The following ATM variants were observed in gnomAD, a reference collection of about 807,000 sequenced individuals.
ATM encodes the protein serine-protein kinase ATM.
A neutral mutation model predicts 387.0 loss-of-function variants in ATM; 308 were observed. That is an observed-to-expected ratio of 0.80 (90% confidence interval 0.73 to 0.87). The LOEUF (loss-of-function observed/expected upper bound fraction) is 0.87. Among genes scored for constraint, ATM ranks in the 40% least tolerant of loss-of-function variants. The pLI, the probability that ATM is intolerant of heterozygous loss-of-function variation, is 0.00. For synonymous variants in ATM, 1,156 were observed against 1,187.3 expected (o/e 0.97, Z 0.54); for missense variants, 3,312 against 3,560.9 (o/e 0.93, Z 1.78).
chr11:108,248,888 CAAA>C (rs35813860), intron 8 of ATM, 42 bp from the exon 9 acceptor site: 710 of 1,235,070 alleles, frequency 5.7e-4, no homozygotes, highest in Admixed American at 9.6e-4. Flanking sequence ...AACTCTGGCT[CAAA>C]AAAAAAAAAA....
chr11:108,351,588 T>C (rs1431203326), intron 59 of ATM, among the ~76,000 whole-genome samples: 2 of 152,176 alleles, frequency 1.3e-5, no homozygotes. Context: ...TGATTGCTTC[T>C]TCACTTACAT....
intron 59 of ATM, among the ~76,000 whole-genome samples, chr11:108,349,410 A>G (rs960733848): frequency 2.6e-5 from 4 of 152,164 alleles, no homozygotes; most frequent in African/African-American, 7.2e-5. Flanking sequence ...CACACCTGTA[A>G]TCCCAACACT....
At chr11:108,308,863 T>A in intron 38 of ATM, 1 of 648,426 alleles carries the variant, frequency 1.5e-6, no homozygotes. Flanking sequence ...TAGAGTTTTA[T>A]ACCAGATTAT....
In ATM at chr11:108,252,732, A is replaced by G. The variant is rs2235005; in HGVS notation, c.1803-85A>G. 4.6e-4 allele frequency: 429 copies of G among 936,974 alleles called. 1 individual carries two copies. In the African/African-American group the frequency reaches 6.4e-3, roughly 14 times the overall value. The allele number at this position is 936,974 out of a possible 1,614,324, so 58.0% of individuals were successfully genotyped here. ...ATCCAAATTTTAGAAGTCAAGATTT[A>G]TAGCTAAACATGGATGTTAAAGTTT... is the stretch of plus-strand genomic sequence containing the variant. On this transcript the variant is annotated intron_variant, in intron 11 of 62. Coordinates refer to ENST00000675843, the MANE Select transcript of ATM (RefSeq NM_000051.4).
intron 7 of ATM, 53 bp downstream of exon 7, chr11:108,245,079 A>G: frequency 7.2e-7 from 1 of 1,397,700 alleles, no homozygotes; most frequent in Non-Finnish European, 1.0e-6. Context: ...CAAACATAGA[A>G]GTCTAAGTAT....
At position 108,282,738 on chromosome 11, in the gene ATM, G is replaced by T. The variant is rs1555092285; in HGVS notation, c.3605G>T (p.Gly1202Val). Residue 1202 changes from glycine (G) to valine (V), a missense_variant, in exon 25 of 63, where the codon GGA (glycine) becomes GTA (valine). By Grantham distance (109) the Gly-to-Val change is moderately radical. Transcript: ENST00000675843. ...KVLEKVSETF[G>V]YRRLEDFMAS... Reference sequence around the variant, plus strand: ...TTAGAGAAAGTTTCTGAAACTTTTGGATATAGACGTTTAGAAGACTTTATG... The same window carrying T: ...TTAGAGAAAGTTTCTGAAACTTTTGTATATAGACGTTTAGAAGACTTTATG... 1 of 1,613,338 alleles carries T rather than the reference G, an allele frequency of 6.2e-7. No individual in the cohort carries two copies. Among genetic ancestry groups the T allele is most frequent in the Non-Finnish European group, 8.5e-7 (1 of 1,179,726 alleles).
At chr11:108,260,747 G>A (rs1357572534) in intron 16 of ATM, among the ~76,000 whole-genome samples, 1 of 152,186 alleles carries the variant, frequency 6.6e-6, no homozygotes, top group Non-Finnish European at 1.5e-5. Context: ...TCTCACTAGG[G>A]AGTGCCAGAC....
intron 48 of ATM, among the ~76,000 whole-genome samples, chr11:108,328,253 TTTC>T (rs1214017978): frequency 1.3e-5 from 2 of 152,162 alleles, no homozygotes; most frequent in African/African-American, 4.8e-5. Flanking sequence ...TTTCTTTTCT[TTTC>T]TTTTCTTTGA....
intron 45 of ATM, among the ~76,000 whole-genome samples, chr11:108,323,916 A>G (rs190288706): frequency 1.3e-5 from 2 of 152,330 alleles, no homozygotes; most frequent in Admixed American, 1.3e-4. Context: ...CTGTTAATCC[A>G]GACATTAAAG....
chr11:108,273,207 C>T (rs1301676653), intron 22 of ATM, among the ~76,000 whole-genome samples: 2 of 151,654 alleles, frequency 1.3e-5, no homozygotes. Flanking sequence ...ATAATTAGCA[C>T]ATTTTACATT....
chr11:108,342,366 CACAT>C (rs1442549642), intron 56 of ATM, among the ~76,000 whole-genome samples: 4 of 152,044 alleles, frequency 2.6e-5, no homozygotes, highest in Admixed American at 1.3e-4. Context: ...TAAATATGCT[CACAT>C]AGTTAGGATA....
chr11:108,238,391 A>T (rs11212564), intron 5 of ATM, among the ~76,000 whole-genome samples: 4 of 152,078 alleles, frequency 2.6e-5, no homozygotes, highest in South Asian at 2.1e-4. Context: ...GGCTCAAGTG[A>T]TACCCTTCCC....
intron 16 of ATM, among the ~76,000 whole-genome samples, chr11:108,266,452 A>G (rs1412307964): frequency 7.3e-6 from 1 of 137,524 alleles, no homozygotes; most frequent in Non-Finnish European, 1.5e-5. Flanking sequence ...ACATGGACAC[A>G]GGAAGGGGAA....
intron 42 of ATM, 61 bp from the exon 43 acceptor site, chr11:108,317,312 C>T (rs17107917): frequency 1.3e-6 from 2 of 1,536,492 alleles, no homozygotes; most frequent in Admixed American, 1.8e-5. Context: ...CTGTTTTTTT[C>T]TCTGGTTTTC....
At chr11:108,271,006 C>A in intron 18 of ATM, 58 bp from the exon 19 acceptor site, 1 of 1,461,340 alleles carries the variant, frequency 6.8e-7, no homozygotes, top group South Asian at 1.1e-5. Flanking sequence ...TGTTTATATA[C>A]TTTTTAAAGT....
intron 9 of ATM, among the ~76,000 whole-genome samples, chr11:108,249,952 A>G (rs1353514369): frequency 1.3e-5 from 2 of 152,152 alleles, no homozygotes; most frequent in African/African-American, 4.8e-5. Flanking sequence ...ACAGAGATGA[A>G]TAACATAAGA....
intron 18 of ATM, among the ~76,000 whole-genome samples, chr11:108,270,430 A>G (rs1047447320): frequency 2.6e-5 from 4 of 152,224 alleles, no homozygotes; most frequent in Non-Finnish European, 5.9e-5. Context: ...ATTCCACAAT[A>G]GAAGCTAGAC....
In ATM at chr11:108,368,764, CCAAAGTGTTTACCTAAT is replaced by C. The variant is rs1444367655; in HGVS notation, c.*3259_*3275del. 1 of 211,272 alleles carries C rather than the reference CCAAAGTGTTTACCTAAT, an allele frequency of 4.7e-6. No homozygotes were observed. The highest frequency in any genetic ancestry group is 9.6e-6 in the Non-Finnish European group (1 of 104,188). 13.1% of individuals were successfully genotyped at this position (211,272 alleles called of 1,614,324 possible). On this transcript the variant is annotated 3_prime_UTR_variant, in exon 63 of 63. Coordinates refer to ENST00000675843, the MANE Select transcript of ATM (RefSeq NM_000051.4). Reference sequence around the variant, plus strand: ...CCTACTTTGTGCAGGTCATACCTCCCCAAAGTGTTTACCTAATCAGTAGGTTCACAAACTCTTGGTCA... The same window carrying C: ...CCTACTTTGTGCAGGTCATACCTCCCCAGTAGGTTCACAAACTCTTGGTCA...
At chr11:108,242,965 A>G (rs934510304) in intron 5 of ATM, among the ~76,000 whole-genome samples, 1 of 152,146 alleles carries the variant, frequency 6.6e-6, no homozygotes, top group African/African-American at 2.4e-5. Context: ...TATGCGTGTA[A>G]TCCTAGCACT....
Sources: gnomAD v4.1 joint callset for allele counts (sites outside exome capture counted in the v4.1 genomes callset) on GRCh38, gnomAD v4.1.1 for gene constraint, MANE v1.5 for transcripts, NCBI Gene and HGNC (gene_info 2026-07-23, HGNC 2026-07-21) for gene names.